The following POTEF variants were observed in gnomAD, a reference collection of about 807,000 sequenced individuals.
The protein encoded by POTEF is POTE ankyrin domain family member F.
Under a neutral mutation model 83.2 loss-of-function variants are expected in POTEF, and 20 were observed. The ratio of observed to expected loss-of-function variants is 0.24; its 90% CI spans 0.17 to 0.35. The LOEUF is 0.35. Among genes scored for constraint, POTEF ranks in the 10% least tolerant of loss-of-function variants. The pLI, the probability that POTEF is intolerant of heterozygous loss-of-function variation, is 1.00. For synonymous variants in POTEF, 196 were observed against 446.4 expected (o/e 0.44, Z 7.07); for missense variants, 550 against 1,203.2 (o/e 0.46, Z 8.03).
intron 16 of POTEF, among the ~76,000 whole-genome samples, chr2:130,075,905 C>T (rs1683788935): frequency 6.6e-6 from 1 of 150,608 alleles, no homozygotes. Context: ...TTCTGAGTTA[C>T]AAAAAACCCA....
rs770550935 is a variant in POTEF at position 130,120,245 on chromosome 2, T to C, written c.271A>G (p.Met91Val). The change falls in exon 3 of 17, where the codon ATG becomes GTG. Residue 91 changes from methionine (M) to valine (V), a missense_variant. By Grantham distance (21) the Met-to-Val change is conservative. Transcript: ENST00000409914. ...CCCATCTTGTTCCTGAGTGTCTTCA[T>C]AGCAGAGTCGTCGTGGTCTCCAGAA... ...GASGDHDDSA[M>V]KTLRNKMGKW... The C allele has an allele frequency of 3.7e-5, 59 of 1,592,084 alleles. 1 individual carries two copies. The highest frequency in any genetic ancestry group is 1.0e-4 in the South Asian group (9 of 89,658).
intron 2 of POTEF, among the ~76,000 whole-genome samples, chr2:130,121,212 A>G (rs1483836838): frequency 6.7e-6 from 1 of 149,476 alleles, no homozygotes; most frequent in African/African-American, 2.5e-5. Flanking sequence ...GCGCCTGCTT[A>G]AGTCTTGGCG....
rs1265191235 is a variant in POTEF, at chr2:130,113,517, TGTTGTTGTC to T, written c.810+1355_810+1363del. ...TGTATCCAGATTTTGAGAAAATTGT[TGTTGTTGTC>T]GTTGTTGTTGTTGTTGTTGTTAGAG... On this transcript the variant is annotated intron_variant, in intron 5 of 16. Coordinates refer to ENST00000409914, the MANE Select transcript of POTEF (RefSeq NM_001099771.2). 9.7e-4 allele frequency among the ~76,000 whole-genome samples: 92 copies of T among 94,758 alleles called. 1 individual carries two copies. The highest frequency in any genetic ancestry group is 1.9e-4 in the African/African-American group (5 of 26,432). 62.2% of individuals were successfully genotyped at this position (94,758 alleles called of 152,430 possible). A position where few individuals can be genotyped will look rare whatever the true frequency, so the allele number is the denominator to read the frequency against.
At chr2:130,115,905 G>A (rs550949319) in intron 3 of POTEF, among the ~76,000 whole-genome samples, 1 of 152,092 alleles carries the variant, frequency 6.6e-6, no homozygotes, top group Non-Finnish European at 1.5e-5. Flanking sequence ...TGTCTCCACT[G>A]AAATACCACT....
intron 4 of POTEF, 71 bp downstream of exon 4, chr2:130,115,143 A>G (rs1684810465): frequency 1.2e-6 from 2 of 1,611,644 alleles, no homozygotes; most frequent in Non-Finnish European, 1.7e-6. Context: ...TATTTAAAGG[A>G]GAAAACTCAT....
Position 130,075,377 on chromosome 2 carries a change from G to C in POTEF, c.2095C>G (p.Leu699Val), listed in dbSNP as rs1378741646. ...ACAGCGGTATCATCATCCATGGTGA[G>C]CTCATTCAATTGTAGAGCCTTTAAA... ...NLLKALQLNE[L>V]TMDDDTAVLV... Residue 699 changes from leucine to valine, a missense_variant, in exon 17 of 17, where the codon CTC (leucine) becomes GTC (valine). By Grantham distance (32) the Leu-to-Val change is conservative. Coordinates refer to ENST00000409914, the MANE Select transcript of POTEF (RefSeq NM_001099771.2). 6.2e-7 allele frequency: 1 copy of C among 1,611,984 alleles called. No homozygotes were observed. The highest frequency in any genetic ancestry group is 1.3e-5 in the African/African-American group (1 of 74,720).
intron 8 of POTEF, among the ~76,000 whole-genome samples, chr2:130,105,295 A>T (rs1408893119): frequency 2.6e-5 from 4 of 151,672 alleles, no homozygotes; most frequent in African/African-American, 9.8e-5. Context: ...AAAAAGCATA[A>T]CACCAAAAAA....
intron 7 of POTEF, among the ~76,000 whole-genome samples, chr2:130,109,037 G>A (rs2438682): frequency 6.6e-6 from 1 of 150,634 alleles, no homozygotes; most frequent in South Asian, 2.1e-4. Flanking sequence ...TATTTTGCAC[G>A]GAACATGTTA....
At chr2:130,109,916 T>C (rs1241768290) in intron 7 of POTEF, among the ~76,000 whole-genome samples, 3 of 151,178 alleles carry the variant, frequency 2.0e-5, no homozygotes, top group Non-Finnish European at 4.4e-5. Flanking sequence ...AGCATAGGTA[T>C]GGGAATTAAA....
intron 6 of POTEF, among the ~76,000 whole-genome samples, chr2:130,111,183 G>A (rs912284874): frequency 1.3e-5 from 2 of 150,692 alleles, no homozygotes; most frequent in African/African-American, 2.5e-5. Context: ...TCTTACTTAT[G>A]CACAGCCAAC....
At position 130,104,594 on chromosome 2, in the gene POTEF, T is replaced by C. The variant is rs183061630; in HGVS notation, c.1127-2414A>G. ...AAAATGATTTTTTAGAAGTCAGAAC[T>C]ATGACATGAAGTCAAGCAGGGCACT... On this transcript the variant is annotated intron_variant, in intron 8 of 16. Coordinates refer to ENST00000409914, the MANE Select transcript of POTEF (RefSeq NM_001099771.2). 1.4e-4 allele frequency among the ~76,000 whole-genome samples: 21 copies of C among 151,706 alleles called. 1 individual carries two copies. The highest frequency in any genetic ancestry group is 4.4e-4 in the African/African-American group (18 of 41,036).
At chr2:130,128,655 C>T (rs1685158509) in intron 1 of POTEF, among the ~76,000 whole-genome samples, 6 of 152,120 alleles carry the variant, frequency 3.9e-5, no homozygotes, top group Admixed American at 3.9e-4. Context: ...AATCGCCGCC[C>T]CCACCCCACC....
chr2:130,128,539 A>T, intron 1 of POTEF, among the ~76,000 whole-genome samples: 1 of 101,592 alleles, frequency 9.8e-6, no homozygotes, highest in Non-Finnish European at 2.1e-5. Flanking sequence ...CAGGCAGTGT[A>T]ACCCCAATAC....
intron 2 of POTEF, among the ~76,000 whole-genome samples, chr2:130,122,653 A>G (rs193211301): frequency 1.5e-4 from 22 of 151,488 alleles, no homozygotes; most frequent in Non-Finnish European, 2.9e-4. Context: ...GACAATATTA[A>G]TTTTTTCAAT....
chr2:130,109,451 T>C (rs1480623780), intron 7 of POTEF: 1 of 146,306 alleles, frequency 6.8e-6, no homozygotes, highest in African/African-American at 2.7e-5. Flanking sequence ...CTTAAAATCT[T>C]GAGCTAGAGA....
At chr2:130,113,049 A>C (rs563449743) in intron 5 of POTEF, among the ~76,000 whole-genome samples, 2,612 of 149,102 alleles carry the variant, frequency 0.018, 137 homozygotes, top group African/African-American at 0.064. Context: ...GATACATACT[A>C]CCAATAATAT....
rs756205498 is a variant in POTEF at position 130,075,542 on chromosome 2, T to C, written c.1930A>G (p.Ile644Val). The change falls in exon 17 of 17, where the codon ATC (isoleucine) becomes GTC (valine). Residue 644 changes from isoleucine (I) to valine (V), a missense_variant. Coordinates refer to ENST00000409914, the MANE Select transcript of POTEF (RefSeq NM_001099771.2). Reference sequence around the variant, plus strand: ...CGCAACGTACTATTTTCATGCAAGATGTCTTTTTCTTTCTTACAACTAAGA... The same window carrying C: ...CGCAACGTACTATTTTCATGCAAGACGTCTTTTTCTTTCTTACAACTAAGA... ...LSLSCKKEKD[I>V]LHENSTLREE... 1.5e-3 allele frequency: 2,446 copies of C among 1,606,416 alleles called. 62 individuals carry two copies. In the African/African-American group the frequency reaches 0.03, roughly 20 times the overall value.
rs538794701 is a variant in POTEF at position 130,123,095 on chromosome 2, G to A, written c.-93-2487C>T. ...TACACTGATTGTTACTTTTCAACTCGAAAACATGGACATTTATCACTACTC... is the reference window on the plus strand; with the variant it reads ...TACACTGATTGTTACTTTTCAACTCAAAAACATGGACATTTATCACTACTC... On this transcript the variant is annotated intron_variant, in intron 2 of 16. Coordinates refer to ENST00000409914, the MANE Select transcript of POTEF (RefSeq NM_001099771.2). Among the ~76,000 whole-genome samples, 15 of 134,688 alleles carry A rather than the reference G, an allele frequency of 1.1e-4. No individual in the cohort carries two copies. The East Asian group carries it at 1.4e-3, about 13-fold the overall frequency. The allele number at this position is 134,688 out of a possible 152,430, so 88.4% of individuals were successfully genotyped here. A position where few individuals can be genotyped will look rare whatever the true frequency, so the allele number is the denominator to read the frequency against.
At chr2:130,118,944 A>G (rs2104826081) in intron 3 of POTEF, among the ~76,000 whole-genome samples, 1 of 151,046 alleles carries the variant, frequency 6.6e-6, no homozygotes, top group South Asian at 2.1e-4. Flanking sequence ...TAAATTTCCT[A>G]TTCTGTTGTA....
Sources: allele counts gnomAD v4.1 joint callset (sites outside exome capture counted in the v4.1 genomes callset), GRCh38; gene constraint gnomAD v4.1.1; transcripts MANE v1.5; gene names NCBI Gene and HGNC (gene_info 2026-07-23, HGNC 2026-07-21).